Variants in FAM3B observed in about 807,000 individuals in gnomAD.
FAM3B encodes the protein FAM3 metabolism regulating signaling molecule B.
In FAM3B, 29 loss-of-function variants were observed where a neutral mutation model predicts 28.4. The ratio of observed to expected loss-of-function variants is 1.02; its 90% CI spans 0.76 to 1.39. The LOEUF (loss-of-function observed/expected upper bound fraction) is 1.39, where lower values mean the gene tolerates loss of function less well. Among genes scored for constraint, FAM3B ranks in the 40% most tolerant of loss-of-function variants. The pLI, the probability that FAM3B is intolerant of heterozygous loss-of-function variation, is 0.00. For synonymous variants in FAM3B, 91 were observed against 103.0 expected (o/e 0.88, Z 0.71); for missense variants, 266 against 293.9 (o/e 0.91, Z 0.69).
At chr21:41,339,146 T>C (rs933534098) in intron 3 of FAM3B, among the ~76,000 whole-genome samples, 2 of 152,236 alleles carry the variant, frequency 1.3e-5, no homozygotes, top group African/African-American at 4.8e-5. Flanking sequence ...ATTTCTTCTT[T>C]AAATATTTGG....
At chr21:41,340,994 G>A (rs756334208) in intron 3 of FAM3B, among the ~76,000 whole-genome samples, 3 of 151,956 alleles carry the variant, frequency 2.0e-5, no homozygotes, top group Non-Finnish European at 2.9e-5. Flanking sequence ...GTGAATATAT[G>A]TATATGTGTG....
At chr21:41,345,944 T>C (rs2089054997) in intron 5 of FAM3B, 1 of 466,966 alleles carries the variant, frequency 2.1e-6, no homozygotes, top group South Asian at 2.3e-5. Context: ...TAGAAATGTC[T>C]TTTCTTCTGT....
upstream of FAM3B, among the ~76,000 whole-genome samples, chr21:41,314,908 G>GTA (rs1601345919): frequency 6.6e-6 from 1 of 151,996 alleles, no homozygotes; most frequent in Non-Finnish European, 1.5e-5. Flanking sequence ...TAGAATTATC[G>GTA]TATGATCCAG....
At chr21:41,316,190 C>T (rs2088747498), upstream of FAM3B, among the ~76,000 whole-genome samples, 1 of 152,232 alleles carries the variant, frequency 6.6e-6, no homozygotes, top group Non-Finnish European at 1.5e-5. Context: ...ACTCCTGAAG[C>T]TCCTTGGTCA....
At chr21:41,350,484 G>C (rs576800116) in intron 7 of FAM3B, among the ~76,000 whole-genome samples, 1 of 152,224 alleles carries the variant, frequency 6.6e-6, no homozygotes, top group Non-Finnish European at 1.5e-5. Flanking sequence ...GGATCTCAGA[G>C]TGGAGTCCTG....
chr21:41,321,132 T>C (rs1392806861), intron 1 of FAM3B, among the ~76,000 whole-genome samples: 2 of 152,230 alleles, frequency 1.3e-5, no homozygotes, highest in Non-Finnish European at 2.9e-5. Flanking sequence ...ACAGTCCAGC[T>C]ACGACCCACA....
At chr21:41,347,749 C>CAAAAAAAA (rs60227162) in intron 6 of FAM3B, among the ~76,000 whole-genome samples, 2 of 85,694 alleles carry the variant, frequency 2.3e-5, no homozygotes, top group African/African-American at 6.4e-5. Flanking sequence ...GAGACTGTCT[C>CAAAAAAAA]AAAAAAAAAA....
chr21:41,322,478 A>G (rs755578381), intron 1 of FAM3B: 1 of 666,122 alleles, frequency 1.5e-6, no homozygotes, highest in Non-Finnish European at 2.8e-6. Context: ...TGATATGGAA[A>G]TCAACAAAAC....
At chr21:41,341,649 T>C (rs1323580346) in intron 3 of FAM3B, among the ~76,000 whole-genome samples, 1 of 152,262 alleles carries the variant, frequency 6.6e-6, no homozygotes, top group Non-Finnish European at 1.5e-5. Context: ...ATCCTTCACG[T>C]TGGATGTAGC....
At position 41,316,884 on chromosome 21, in the gene FAM3B, G is replaced by A; in HGVS notation, c.5G>A (p.Arg2His). ...GAGGGGAGCGGCACCTGGAAGATGC[G>A]CCCATTGGCTGGTGGTGAGTGCGCC... The part of the protein sequence containing the change: M[R>H]PLAGGLLKVV... The change falls in exon 1 of 8, where the codon CGC becomes CAC. Residue 2 changes from arginine to histidine, a missense_variant. Physicochemically the swap from Arg to His is conservative, Grantham distance 29. Transcript: ENST00000357985. 1.4e-6 allele frequency: 2 copies of A among 1,403,728 alleles called. No individual in the cohort carries two copies. The highest frequency in any genetic ancestry group is 1.6e-5 in the South Asian group (1 of 63,478). 87.0% of individuals were successfully genotyped at this position (1,403,728 alleles called of 1,614,324 possible).
intron 2 of FAM3B, among the ~76,000 whole-genome samples, chr21:41,337,375 G>C (rs1176490363): frequency 2.0e-5 from 3 of 152,216 alleles, no homozygotes; most frequent in Non-Finnish European, 2.9e-5. Flanking sequence ...AAAGATGTGT[G>C]GGGGCTGTGG....
At chr21:41,312,128 G>A (rs2088718249), upstream of FAM3B, among the ~76,000 whole-genome samples, 2 of 152,228 alleles carry the variant, frequency 1.3e-5, no homozygotes, top group South Asian at 4.1e-4. Flanking sequence ...GCTACAAGGT[G>A]AGATTTGTGT....
chr21:41,342,326 T>C (rs890667116), intron 3 of FAM3B, among the ~76,000 whole-genome samples: 2 of 152,234 alleles, frequency 1.3e-5, no homozygotes, highest in African/African-American at 4.8e-5. Flanking sequence ...TTTTGTTGTT[T>C]TATCTTCTTT....
At chr21:41,318,126 C>G (rs1476914423) in intron 1 of FAM3B, among the ~76,000 whole-genome samples, 1 of 152,164 alleles carries the variant, frequency 6.6e-6, no homozygotes, top group African/African-American at 2.4e-5. Flanking sequence ...ATGATTCACT[C>G]ATGAGCTGTG....
In FAM3B at chr21:41,349,323, G is replaced by A. The variant is rs117584421; in HGVS notation, c.618+599G>A. 1.6e-4 allele frequency among the ~76,000 whole-genome samples: 25 copies of A among 152,284 alleles called. No individual in the cohort carries two copies. The East Asian group carries it at 3.9e-3, about 24-fold the overall frequency. On this transcript the variant is annotated intron_variant, in intron 7 of 7. Transcript: ENST00000357985. ...TGTGGGAGTAACAAGCTGAGCATCCGATGACAATCACAACATCCTGGAGAA... is the reference window on the plus strand; with the variant it reads ...TGTGGGAGTAACAAGCTGAGCATCCAATGACAATCACAACATCCTGGAGAA...
intron 4 of FAM3B, 61 bp from the exon 5 acceptor site, chr21:41,345,625 G>A: frequency 1.0e-6 from 1 of 988,432 alleles, no homozygotes; most frequent in Non-Finnish European, 1.5e-6. Context: ...AGGCCCTGGT[G>A]CCACAAGTGC....
intron 1 of FAM3B, chr21:41,322,490 G>A (rs2088815778): frequency 1.5e-6 from 1 of 679,130 alleles, no homozygotes; most frequent in African/African-American, 1.8e-5. Context: ...CAACAAAACA[G>A]ACAGAGCTTT....
chr21:41,344,593 A>C, intron 4 of FAM3B, 59 bp downstream of exon 4: 1 of 1,500,040 alleles, frequency 6.7e-7, no homozygotes, highest in East Asian at 2.3e-5. Flanking sequence ...AGATTTTCAA[A>C]GGTACCTTGG....
At chr21:41,351,106 C>T (rs1020306718) in intron 7 of FAM3B, among the ~76,000 whole-genome samples, 7 of 152,206 alleles carry the variant, frequency 4.6e-5, no homozygotes, top group East Asian at 3.9e-4. Context: ...TCCTTTTTAA[C>T]TCAAATGTTA....
Sources: allele counts gnomAD v4.1 joint callset (sites outside exome capture counted in the v4.1 genomes callset), GRCh38; gene constraint gnomAD v4.1.1; transcripts MANE v1.5; gene names NCBI Gene and HGNC (gene_info 2026-07-23, HGNC 2026-07-21).